The following ZC3H13 variants were observed in gnomAD, a reference collection of about 807,000 sequenced individuals.
The protein encoded by ZC3H13 is zinc finger CCCH-type containing 13.
In ZC3H13, 64 loss-of-function variants were observed where a neutral mutation model predicts 204.1. That is an observed-to-expected ratio of 0.31 (90% CI 0.26 to 0.39). The LOEUF is 0.39. ZC3H13 is among the 10% of genes least tolerant of loss of function. The pLI is 1.00. For missense variants in ZC3H13, 1,833 were observed against 2,082.7 expected, an observed-to-expected ratio of 0.88 and a Z score of 2.33; for synonymous variants, 667 against 693.7, an observed-to-expected ratio of 0.96 and a Z score of 0.60.
intron 15 of ZC3H13, among the ~76,000 whole-genome samples, 189 bp downstream of exon 15, chr13:45,967,315 C>T (rs9534263): frequency 0.44 from 66,420 of 151,818 alleles, 14,966 homozygotes; most frequent in East Asian, 0.54. Flanking sequence ...CTAAGGGGAC[C>T]ACATTAAAAA....
In ZC3H13 at chr13:45,969,795, C is replaced by A; in HGVS notation, c.2749G>T (p.Val917Leu). ...TCTGTCTGTTCTCTCTGTTTATCTA[C>A]AGAAGAAACTTTCTCCTTGAGTTCC... ...EQELKEKVSS[V>L]DKQREQTEIL... Residue 917 changes from valine (V) to leucine (L), a missense_variant, in exon 14 of 19, where the codon GTA becomes TTA. Val to Leu is a conservative substitution (Grantham distance 32, BLOSUM62 1). This residue lies in a region of ZC3H13 where 1,574 missense variants were observed against 1,757.2 expected (regional missense o/e 0.90). Coordinates refer to ENST00000679008, the MANE Select transcript of ZC3H13 (RefSeq NM_001330564.2). 5 of 1,613,892 alleles carry A rather than the reference C, an allele frequency of 3.1e-6. No homozygotes were observed. Among genetic ancestry groups the A allele is most frequent in the Non-Finnish European group, 3.4e-6 (4 of 1,180,010 alleles).
chr13:46,043,398 C>G (rs1411492656), intron 3 of ZC3H13, among the ~76,000 whole-genome samples: 1 of 151,838 alleles, frequency 6.6e-6, no homozygotes, highest in Non-Finnish European at 1.5e-5. Flanking sequence ...ACTGGAATCT[C>G]TTACTAAGAA....
At chr13:46,011,974 A>AGT (rs2041596240) in intron 5 of ZC3H13, among the ~76,000 whole-genome samples, 1 of 152,238 alleles carries the variant, frequency 6.6e-6, no homozygotes, top group Admixed American at 6.5e-5. Context: ...TACATCATAC[A>AGT]AAGTGAGGTT....
rs187075902 is a variant in ZC3H13, at chr13:45,963,458, G to A, written c.4675+384C>T. 2.5e-4 allele frequency: 251 copies of A among 997,422 alleles called. 1 individual carries two copies. The African/African-American group carries it at 3.9e-3, about 16-fold the overall frequency. The allele number at this position is 997,422 out of a possible 1,614,324, so 61.8% of individuals were successfully genotyped here. The stretch of plus-strand genomic sequence containing the variant: ...TTTTTTTGAGACAGGGTCTTGCTCT[G>A]TCACCTAGGTTGGAGTGTGGTGGCT... On this transcript the variant is annotated intron_variant, in intron 17 of 18. Coordinates refer to ENST00000679008, the MANE Select transcript of ZC3H13 (RefSeq NM_001330564.2).
rs1165473548 is a variant in ZC3H13, at chr13:45,985,315, G to A, written c.1702C>T (p.Pro568Ser). 3 of 1,613,102 alleles carry A rather than the reference G, an allele frequency of 1.9e-6. No homozygotes were observed. The highest frequency in any genetic ancestry group is 2.5e-6 in the Non-Finnish European group (3 of 1,179,500). ...ACCTTACCCTTTTCAGGTAACTCAG[G>A]AACCCTCCCCCTACTTCGGCCCATT... ...DRMGRSRGRV[P>S]ELPEKGSRGS... The change falls in exon 10 of 19, where the codon CCT (proline) becomes TCT (serine). Residue 568 changes from proline to serine, a missense_variant. Pro to Ser is a moderately conservative substitution (Grantham distance 74). Around this residue, in one of 5 missense-constraint regions of ZC3H13, gnomAD observed 1,574 missense variants for 1,757.2 expected, o/e 0.90. Coordinates refer to ENST00000679008, the MANE Select transcript of ZC3H13 (RefSeq NM_001330564.2).
intron 4 of ZC3H13, among the ~76,000 whole-genome samples, chr13:46,033,655 G>A (rs946120129): frequency 2.0e-5 from 3 of 152,124 alleles, no homozygotes; most frequent in Admixed American, 1.3e-4. Flanking sequence ...TAATCTAGCG[G>A]TAAAAGCTTT....
At chr13:46,051,635 G>A (rs2044427612) in intron 1 of ZC3H13, among the ~76,000 whole-genome samples, 1 of 152,086 alleles carries the variant, frequency 6.6e-6, no homozygotes, top group South Asian at 2.1e-4. Context: ...GAGGTGTAAA[G>A]ATGTTTTCCA....
intron 12 of ZC3H13, among the ~76,000 whole-genome samples, 182 bp from the exon 13 acceptor site, chr13:45,970,647 T>G (rs1243230972): frequency 6.6e-6 from 1 of 152,244 alleles, no homozygotes; most frequent in African/African-American, 2.4e-5. Flanking sequence ...CTTCATTTGC[T>G]AAGAATTGTG....
At chr13:46,013,780 T>C (rs113002599) in intron 5 of ZC3H13, among the ~76,000 whole-genome samples, 57 of 152,288 alleles carry the variant, frequency 3.7e-4, no homozygotes, top group African/African-American at 1.3e-3. Flanking sequence ...CAGAAAAATA[T>C]CAAGTATAAT....
chr13:46,045,366 T>A lies in ZC3H13; in HGVS notation c.117+25A>T, dbSNP rs779645165. ...AATAATAGAATTCTAAGAGAACCCCTGTGACTATACTAGTGACAACTCACC... is the reference window on the plus strand; with the variant it reads ...AATAATAGAATTCTAAGAGAACCCCAGTGACTATACTAGTGACAACTCACC... On this transcript the variant is annotated intron_variant, in intron 2 of 18. Transcript: ENST00000679008. The A allele has an allele frequency of 8.3e-6, 13 of 1,567,168 alleles. No individual in the cohort carries two copies. In the East Asian group the frequency reaches 2.7e-4, roughly 32 times the overall value.
At chr13:46,025,756 T>C (rs2042506564) in intron 4 of ZC3H13, among the ~76,000 whole-genome samples, 1 of 152,216 alleles carries the variant, frequency 6.6e-6, no homozygotes. Context: ...TACCAATTTT[T>C]CTTCTCTGTT....
intron 8 of ZC3H13, among the ~76,000 whole-genome samples, chr13:45,992,510 C>T (rs573101885): frequency 1.6e-4 from 24 of 152,230 alleles, no homozygotes; most frequent in African/African-American, 5.5e-4. Flanking sequence ...TCCATTTATG[C>T]CTAGTGTTCC....
chr13:46,037,428 A>G (rs758317128), intron 4 of ZC3H13, among the ~76,000 whole-genome samples: 13 of 152,216 alleles, frequency 8.5e-5, no homozygotes, highest in Non-Finnish European at 1.3e-4. Context: ...GATGCCCTAC[A>G]GCACCTGTAT....
At chr13:46,048,139 T>C (rs2044107546) in intron 1 of ZC3H13, among the ~76,000 whole-genome samples, 1 of 152,228 alleles carries the variant, frequency 6.6e-6, no homozygotes, top group South Asian at 2.1e-4. Context: ...CCTTTCTTTT[T>C]ACTTTTTGAG....
intron 1 of ZC3H13, among the ~76,000 whole-genome samples, chr13:46,051,764 C>T (rs1025247613): frequency 1.3e-5 from 2 of 151,984 alleles, no homozygotes; most frequent in African/African-American, 2.4e-5. Flanking sequence ...TTAAGACTAC[C>T]CTTCACAAAC....
intron 6 of ZC3H13, 123 bp downstream of exon 6, chr13:46,011,292 C>T (rs1039171438): frequency 1.3e-5 from 10 of 767,074 alleles, no homozygotes; most frequent in African/African-American, 7.2e-5. Flanking sequence ...AGTACATATA[C>T]AGTGGGTTGA....
At chr13:46,028,971 C>T (rs569822116) in intron 4 of ZC3H13, among the ~76,000 whole-genome samples, 1 of 151,760 alleles carries the variant, frequency 6.6e-6, no homozygotes, top group Admixed American at 6.6e-5. Context: ...TCAATGAAAT[C>T]GAAAACAGAA....
chr13:46,030,428 A>G (rs758734654), intron 4 of ZC3H13, among the ~76,000 whole-genome samples: 2 of 152,256 alleles, frequency 1.3e-5, no homozygotes, highest in Non-Finnish European at 2.9e-5. Context: ...TAAGAAGAAC[A>G]AAAGTGTCTG....
At chr13:46,038,541 G>T (rs932271091) in intron 4 of ZC3H13, among the ~76,000 whole-genome samples, 1 of 152,194 alleles carries the variant, frequency 6.6e-6, no homozygotes, top group Admixed American at 6.5e-5. Flanking sequence ...AGGAATTACA[G>T]CTAATTTGCT....
Sources: gnomAD v4.1 joint callset for allele counts (sites outside exome capture counted in the v4.1 genomes callset) on GRCh38, gnomAD v4.1.1 for gene constraint, gnomAD v4.1.1 regional missense constraint, MANE v1.5 for transcripts, NCBI Gene and HGNC (gene_info 2026-07-23, HGNC 2026-07-21) for gene names.